Variants in CNBD1 observed in about 807,000 individuals in gnomAD.
CNBD1 encodes cyclic nucleotide-binding domain-containing protein 1.
Under a neutral mutation model 54.4 loss-of-function variants are expected in CNBD1, and 71 were observed. The ratio of observed to expected loss-of-function variants is 1.30; its 90% CI spans 1.08 to 1.59. The LOEUF (loss-of-function observed/expected upper bound fraction) is 1.59, where lower values mean the gene tolerates loss of function less well. Among genes scored for constraint, CNBD1 ranks in the 40% most tolerant of loss-of-function variants. The pLI is 0.00. For missense variants in CNBD1, 659 were observed against 518.0 expected, an observed-to-expected ratio of 1.27 and a Z score of -2.64; for synonymous variants, 182 against 170.7, an observed-to-expected ratio of 1.07 and a Z score of -0.51.
chr8:87,395,131 T>C (rs1480366655), intron 2 of CNBD1, among the ~76,000 whole-genome samples: 6 of 151,888 alleles, frequency 4.0e-5, no homozygotes, highest in Non-Finnish European at 5.9e-5. Flanking sequence ...ATAGAGTCCT[T>C]TTAACATGAT....
intron 6 of CNBD1, among the ~76,000 whole-genome samples, chr8:87,282,948 G>T (rs1400766329): frequency 6.6e-6 from 1 of 152,034 alleles, no homozygotes; most frequent in African/African-American, 2.4e-5. Context: ...GTGTTGCTTG[G>T]TTTGGACAAC....
At chr8:87,349,932 A>G (rs1270015114) in intron 8 of CNBD1, among the ~76,000 whole-genome samples, 1 of 152,176 alleles carries the variant, frequency 6.6e-6, no homozygotes, top group Non-Finnish European at 1.5e-5. Flanking sequence ...TTGTTGTTAT[A>G]TATACTTCTC....
At chr8:87,311,254 C>CA (rs1433430835) in intron 8 of CNBD1, among the ~76,000 whole-genome samples, 1 of 151,482 alleles carries the variant, frequency 6.6e-6, no homozygotes, top group Non-Finnish European at 1.5e-5. Flanking sequence ...ATTCAACAAG[C>CA]AAAAAACAAA....
chr8:87,003,787 T>G (rs1186526486), intron 4 of CNBD1, among the ~76,000 whole-genome samples: 1 of 152,118 alleles, frequency 6.6e-6, no homozygotes, highest in East Asian at 1.9e-4. Flanking sequence ...CTGCTGGCTG[T>G]GGTAACAGTG....
chr8:87,208,308 C>T (rs1586330297), intron 5 of CNBD1, among the ~76,000 whole-genome samples: 1 of 152,092 alleles, frequency 6.6e-6, no homozygotes, highest in African/African-American at 2.4e-5. Context: ...AATAGGAAAA[C>T]AATATTATAT....
intron 4 of CNBD1, among the ~76,000 whole-genome samples, chr8:86,989,767 CT>C (rs1218117927): frequency 6.6e-6 from 1 of 152,076 alleles, no homozygotes; most frequent in Non-Finnish European, 1.5e-5. Flanking sequence ...AGTTTTTATA[CT>C]GTTCTTTATA....
intron 5 of CNBD1, among the ~76,000 whole-genome samples, chr8:87,235,501 A>G (rs946230170): frequency 1.3e-5 from 2 of 152,096 alleles, no homozygotes; most frequent in Non-Finnish European, 2.9e-5. Flanking sequence ...CAGGGAGTAG[A>G]AAGGCCTGAG....
At position 87,388,536 on chromosome 8, in the gene CNBD1, C is replaced by T. The variant is rs548675733; in HGVS notation, c.213+34750C>T. Among the ~76,000 whole-genome samples the T allele has an allele frequency of 4.6e-5, 7 of 152,176 alleles. No homozygotes were observed. The South Asian group carries it at 1.2e-3, about 27-fold the overall frequency. ...TAAATTCCTCGACACATACACACTC[C>T]CAAGACTAAACCAGGAAGAAGCTGA... On this transcript the variant is annotated intron_variant, in intron 2 of 7. Coordinates refer to the CNBD1 transcript ENST00000521593.
intron 4 of CNBD1, among the ~76,000 whole-genome samples, chr8:86,941,151 T>A (rs1362454813): frequency 6.6e-6 from 1 of 152,278 alleles, no homozygotes; most frequent in African/African-American, 2.4e-5. Flanking sequence ...TCTTAACTTA[T>A]AATAACAAAA....
chr8:86,896,216 T>C (rs1204421691), intron 2 of CNBD1, among the ~76,000 whole-genome samples: 40 of 151,772 alleles, frequency 2.6e-4, no homozygotes, highest in South Asian at 2.1e-4. Context: ...ATTTTAATTA[T>C]TTTTTAAAAA....
chr8:86,954,288 A>G (rs1807702642), intron 4 of CNBD1, among the ~76,000 whole-genome samples: 1 of 152,238 alleles, frequency 6.6e-6, no homozygotes, highest in South Asian at 2.1e-4. Context: ...AATCTTAATC[A>G]GTTTGACCAT....
intron 2 of CNBD1, among the ~76,000 whole-genome samples, chr8:87,410,526 TG>T (rs936462477): frequency 6.6e-6 from 1 of 152,150 alleles, no homozygotes; most frequent in Non-Finnish European, 1.5e-5. Context: ...GCAAAGAAAG[TG>T]GTTTCTTGAG....
In CNBD1 at chr8:87,048,889, C is replaced by T. The variant is rs117907776; in HGVS notation, c.431+109135C>T. ...TGACCATTTTTAGTAGGTTTTCCCCCCAAAACAATCTTTGGGTGCATTGAT... is the reference window on the plus strand; with the variant it reads ...TGACCATTTTTAGTAGGTTTTCCCCTCAAAACAATCTTTGGGTGCATTGAT... On this transcript the variant is annotated intron_variant, in intron 4 of 10. Transcript: ENST00000518476. 7.4e-4 allele frequency among the ~76,000 whole-genome samples: 112 copies of T among 152,238 alleles called. 3 individuals are homozygous for T. In the East Asian group the frequency reaches 0.019, roughly 26 times the overall value.
chr8:87,369,821 A>G (rs956761666), intron 10 of CNBD1, among the ~76,000 whole-genome samples: 2 of 151,918 alleles, frequency 1.3e-5, no homozygotes, highest in African/African-American at 4.8e-5. Context: ...GGTGTGCTGC[A>G]CCCATTAACT....
chr8:86,880,816 G>T (rs115235426), intron 1 of CNBD1, among the ~76,000 whole-genome samples: 2,019 of 152,196 alleles, frequency 0.013, 43 homozygotes, highest in African/African-American at 0.046. Flanking sequence ...CACATCAAAA[G>T]CTTATCCACC....
intron 4 of CNBD1, among the ~76,000 whole-genome samples, chr8:87,055,498 G>T (rs1810395401): frequency 6.6e-6 from 1 of 151,882 alleles, no homozygotes; most frequent in South Asian, 2.1e-4. Context: ...AAAAGGGGAG[G>T]GAATGTTTTC....
In CNBD1 at chr8:87,351,740, C is replaced by A; in HGVS notation, c.1098C>A (p.Cys366Ter). The A allele has an allele frequency of 6.5e-7, 1 of 1,532,158 alleles. No homozygotes were observed. Among genetic ancestry groups the A allele is most frequent in the Non-Finnish European group, 8.7e-7 (1 of 1,144,552 alleles). The allele number at this position is 1,532,158 out of a possible 1,614,324, so 94.9% of individuals were successfully genotyped here. ...TTGTGGGTTATATTAACTCTGGATGCTGTAACATTTATAGAAGTATTATAG... is the reference window on the plus strand; with the variant it reads ...TTGTGGGTTATATTAACTCTGGATGATGTAACATTTATAGAAGTATTATAG... ...ISFVGYINSG[C>*]CNIYRSIIGF... Residue 366 changes from cysteine to a stop codon, truncating the protein, a stop_gained, in exon 9 of 11, where the codon TGC becomes TGA. Transcript: ENST00000518476. LOFTEE classifies it high-confidence loss of function.
intron 4 of CNBD1, among the ~76,000 whole-genome samples, chr8:87,132,258 G>A (rs1427342548): frequency 6.6e-6 from 1 of 151,390 alleles, no homozygotes; most frequent in Non-Finnish European, 1.5e-5. Flanking sequence ...TTTTAAAATA[G>A]CCATAACAAC....
chr8:87,075,372 C>T (rs1190874453), intron 4 of CNBD1, among the ~76,000 whole-genome samples: 1 of 152,110 alleles, frequency 6.6e-6, no homozygotes, highest in Non-Finnish European at 1.5e-5. Context: ...GGTCTTAAAG[C>T]TCAAAACTTG....
Sources: gnomAD v4.1 joint callset for allele counts (sites outside exome capture counted in the v4.1 genomes callset) on GRCh38, gnomAD v4.1.1 for gene constraint, MANE v1.5 for transcripts, NCBI Gene and HGNC (gene_info 2026-07-23, HGNC 2026-07-21) for gene names.